The following CDYL2 variants were observed in gnomAD, a reference collection of about 807,000 sequenced individuals.
CDYL2 encodes chromodomain Y like 2, also known as chromodomain Y-like protein 2.
A neutral mutation model predicts 49.4 loss-of-function variants in CDYL2; 23 were observed. The observed-to-expected ratio is 0.47, with a 90% CI of 0.34 to 0.66. CDYL2 has a LOEUF of 0.66. Ranked by LOEUF, CDYL2 falls within the 30% of genes least tolerant of loss-of-function variation. The pLI is 0.01. For synonymous variants in CDYL2, 360 were observed against 268.8 expected (o/e 1.34, Z -3.32); for missense variants, 678 against 656.4 (o/e 1.03, Z -0.36).
chr16:80,783,250 T>C (rs1361707079), intron 1 of CDYL2, among the ~76,000 whole-genome samples: 2 of 152,152 alleles, frequency 1.3e-5, no homozygotes, highest in Admixed American at 1.3e-4. Flanking sequence ...AGATGGCTAA[T>C]AAGCATATCA....
intron 1 of CDYL2, among the ~76,000 whole-genome samples, chr16:80,773,730 T>A (rs1906987026): frequency 6.6e-6 from 1 of 152,118 alleles, no homozygotes; most frequent in Non-Finnish European, 1.5e-5. Flanking sequence ...AACTCAGTAA[T>A]CATAAAAGAT....
chr16:80,738,972 T>A (rs1905637049), intron 1 of CDYL2, among the ~76,000 whole-genome samples: 1 of 152,042 alleles, frequency 6.6e-6, no homozygotes, highest in Admixed American at 6.5e-5. Flanking sequence ...ATCAGAGGAG[T>A]ATTTCACAAG....
intron 4 of CDYL2, 96 bp downstream of exon 4, chr16:80,620,667 T>C: frequency 8.5e-7 from 1 of 1,175,728 alleles, no homozygotes; most frequent in Non-Finnish European, 1.2e-6. Flanking sequence ...ATAAAATTCC[T>C]GGTTGTTTGA....
At chr16:80,732,789 A>G (rs976853970) in intron 1 of CDYL2, among the ~76,000 whole-genome samples, 1 of 152,208 alleles carries the variant, frequency 6.6e-6, no homozygotes, top group African/African-American at 2.4e-5. Flanking sequence ...CTTTTATTCC[A>G]ATTGTTACCA....
intron 2 of CDYL2, among the ~76,000 whole-genome samples, chr16:80,681,013 A>G (rs1309047743): frequency 6.6e-6 from 1 of 152,042 alleles, no homozygotes; most frequent in Admixed American, 6.6e-5. Context: ...CCCCACAAAC[A>G]CTGCTGGGGA....
intron 1 of CDYL2, among the ~76,000 whole-genome samples, chr16:80,739,540 C>T (rs1905659248): frequency 6.6e-6 from 1 of 151,898 alleles, no homozygotes. Context: ...GGAGCTAAGC[C>T]CCAGCGGGGC....
chr16:80,764,664 T>A (rs1381952180), intron 1 of CDYL2, among the ~76,000 whole-genome samples: 1 of 152,166 alleles, frequency 6.6e-6, no homozygotes, highest in Non-Finnish European at 1.5e-5. Flanking sequence ...TGGTATCTAA[T>A]ATATACTGTA....
At chr16:80,661,203 T>C (rs1567560098) in intron 2 of CDYL2, among the ~76,000 whole-genome samples, 1 of 152,046 alleles carries the variant, frequency 6.6e-6, no homozygotes, top group South Asian at 2.1e-4. Context: ...TTTAGACAGA[T>C]CGCTGAAGGA....
intron 2 of CDYL2, among the ~76,000 whole-genome samples, chr16:80,648,386 A>T (rs763886042): frequency 3.9e-5 from 6 of 152,192 alleles, no homozygotes; most frequent in Non-Finnish European, 5.9e-5. Flanking sequence ...TATGCAATAA[A>T]GTGGAAAAGC....
At chr16:80,689,939 G>A (rs1400958003) in intron 1 of CDYL2, among the ~76,000 whole-genome samples, 1 of 151,980 alleles carries the variant, frequency 6.6e-6, no homozygotes, top group Admixed American at 6.6e-5. Context: ...TGGCCAACAT[G>A]GTGAAACCCC....
chr16:80,712,194 T>C (rs1475656240), intron 1 of CDYL2, among the ~76,000 whole-genome samples: 13 of 114,440 alleles, frequency 1.1e-4, no homozygotes, highest in African/African-American at 3.2e-4. Flanking sequence ...TGTGTGTGTA[T>C]ATATATATAT....
rs1046445400 is a variant in CDYL2, at chr16:80,747,646, C to A, written c.24+56504G>T. Reference sequence around the variant, plus strand: ...TAGCATCAGGATTGAGCTTCGTCCCCTTCCCAACTTCTGAGGCCAGAGAAG... The same window carrying A: ...TAGCATCAGGATTGAGCTTCGTCCCATTCCCAACTTCTGAGGCCAGAGAAG... On this transcript the variant is annotated intron_variant, in intron 1 of 6. Coordinates refer to ENST00000570137, the MANE Select transcript of CDYL2 (RefSeq NM_152342.4). 2.4e-4 allele frequency among the ~76,000 whole-genome samples: 36 copies of A among 152,214 alleles called. 1 individual carries two copies. The highest frequency in any genetic ancestry group is 2.2e-3 in the Admixed American group (34 of 15,298).
intron 1 of CDYL2, among the ~76,000 whole-genome samples, chr16:80,766,330 A>G (rs1347044054): frequency 3.9e-5 from 6 of 152,214 alleles, no homozygotes; most frequent in African/African-American, 1.2e-4. Flanking sequence ...AATGGCCAAT[A>G]AAACCTAGAG....
intron 1 of CDYL2, among the ~76,000 whole-genome samples, chr16:80,712,765 G>C (rs1904663646): frequency 6.6e-6 from 1 of 152,130 alleles, no homozygotes; most frequent in African/African-American, 2.4e-5. Flanking sequence ...TCAACAAAAA[G>C]GACTGTGTCC....
chr16:80,761,003 G>A (rs187153314), intron 1 of CDYL2, among the ~76,000 whole-genome samples: 3 of 152,194 alleles, frequency 2.0e-5, no homozygotes, highest in Admixed American at 6.5e-5. Context: ...GCAACCAAAC[G>A]GACAATGTGC....
At chr16:80,662,996 C>T (rs540753972) in intron 2 of CDYL2, among the ~76,000 whole-genome samples, 148 of 151,910 alleles carry the variant, frequency 9.7e-4, no homozygotes, top group Non-Finnish European at 9.3e-4. Context: ...AATGAATAAA[C>T]ACTAGACTTA....
Position 80,667,887 on chromosome 16 carries a change from G to A in CDYL2, c.616+16651C>T, listed in dbSNP as rs570685817. 5.9e-5 allele frequency among the ~76,000 whole-genome samples: 9 copies of A among 152,312 alleles called. No homozygotes were observed. The South Asian group carries it at 1.9e-3, about 32-fold the overall frequency. ...TTAAGAATCTGGCCCACAGAGGCTG[G>A]GTCATTTGTTCCAGGCAACATGGCT... On this transcript the variant is annotated intron_variant, in intron 2 of 6. Coordinates refer to ENST00000570137, the MANE Select transcript of CDYL2 (RefSeq NM_152342.4).
chr16:80,722,647 G>C (rs1242928068), intron 1 of CDYL2, among the ~76,000 whole-genome samples: 1 of 152,198 alleles, frequency 6.6e-6, no homozygotes, highest in African/African-American at 2.4e-5. Flanking sequence ...CAAGGTTACA[G>C]AGGAAGAAAC....
intron 1 of CDYL2, among the ~76,000 whole-genome samples, chr16:80,697,925 C>T (rs1904282444): frequency 6.6e-6 from 1 of 151,820 alleles, no homozygotes; most frequent in Non-Finnish European, 1.5e-5. Flanking sequence ...GAAATACATC[C>T]CATGTTCATG....
Sources: gnomAD v4.1 joint callset for allele counts (sites outside exome capture counted in the v4.1 genomes callset) on GRCh38, gnomAD v4.1.1 for gene constraint, MANE v1.5 for transcripts, NCBI Gene and HGNC (gene_info 2026-07-23, HGNC 2026-07-21) for gene names.